Variants in LRIG1 observed in about 807,000 individuals in gnomAD.
LRIG1 encodes leucine-rich repeats and immunoglobulin-like domains protein 1.
A neutral mutation model predicts 99.2 loss-of-function variants in LRIG1; 48 were observed. That is an observed-to-expected ratio of 0.48 (90% CI 0.38 to 0.62). LRIG1 has a LOEUF of 0.62. LRIG1 is among the 20% of genes least tolerant of loss of function. LRIG1 has a pLI of 0.00. For missense variants in LRIG1, 1,646 were observed against 1,434.4 expected (o/e 1.15, Z -2.38); for synonymous variants, 772 against 596.1 (o/e 1.29, Z -4.30).
intron 11 of LRIG1, among the ~76,000 whole-genome samples, chr3:66,395,204 T>C (rs1042650361): frequency 8.5e-5 from 13 of 152,274 alleles, no homozygotes; most frequent in African/African-American, 3.1e-4. Flanking sequence ...ACACTGTCTC[T>C]GGTACATGGT....
At chr3:66,493,674 T>A (rs919439147) in intron 1 of LRIG1, among the ~76,000 whole-genome samples, 5 of 152,066 alleles carry the variant, frequency 3.3e-5, no homozygotes, top group African/African-American at 1.2e-4. Context: ...ATGAGCCTTC[T>A]AGTCTCAGCT....
Position 66,380,060 on chromosome 3 carries a change from CAAAT to C in LRIG1, c.*199_*202del. On this transcript the variant is annotated 3_prime_UTR_variant, in exon 19 of 19. Coordinates refer to ENST00000273261, the MANE Select transcript of LRIG1 (RefSeq NM_015541.3). ...TGAAAACTCTTATGTACAATGATAT[CAAAT>C]ACTTTTTTTGCCTTTTGTACACAAA... The C allele has an allele frequency of 2.0e-6, 1 of 501,376 alleles. No individual in the cohort carries two copies. The highest frequency in any genetic ancestry group is 3.5e-6 in the Non-Finnish European group (1 of 283,132). 31.1% of individuals were successfully genotyped at this position (501,376 alleles called of 1,614,324 possible). A position where few individuals can be genotyped will look rare whatever the true frequency, so the allele number is the denominator to read the frequency against.
intron 1 of LRIG1, among the ~76,000 whole-genome samples, chr3:66,475,373 T>C (rs955849056): frequency 2.0e-5 from 3 of 152,130 alleles, no homozygotes; most frequent in Admixed American, 1.3e-4. Context: ...CCCTGAGATA[T>C]AGGGAACCAA....
chr3:66,494,207 T>C (rs1289826597), intron 1 of LRIG1, among the ~76,000 whole-genome samples: 1 of 152,200 alleles, frequency 6.6e-6, no homozygotes, highest in Non-Finnish European at 1.5e-5. Flanking sequence ...TTCTATAAGA[T>C]AGAGCATTTT....
At chr3:66,421,469 C>T (rs1041385299) in intron 3 of LRIG1, among the ~76,000 whole-genome samples, 3 of 152,246 alleles carry the variant, frequency 2.0e-5, no homozygotes. Context: ...CATGCAAGTC[C>T]AAAATCCAGC....
At chr3:66,410,424 T>C (rs1197532681) in intron 6 of LRIG1, 152 bp from the exon 7 acceptor site, 40 of 690,534 alleles carry the variant, frequency 5.8e-5, no homozygotes, top group Non-Finnish European at 8.6e-5. Context: ...CGCACACATG[T>C]GCATGTGAGT....
At chr3:66,456,696 A>C (rs1007540375) in intron 2 of LRIG1, among the ~76,000 whole-genome samples, 1 of 151,868 alleles carries the variant, frequency 6.6e-6, no homozygotes, top group Admixed American at 6.6e-5. Flanking sequence ...CTGCTCACAC[A>C]CACCCACTGT....
chr3:66,380,662 C>T lies in LRIG1; in HGVS notation c.2970G>A (p.Glu990=), dbSNP rs1700991397. Reference sequence around the variant, plus strand: ...TACTGGGGTAGAGCGACCCTTGGCACTCGGGGCAGGACCCAGCGGCAGTCC... The same window carrying T: ...TACTGGGGTAGAGCGACCCTTGGCATTCGGGGCAGGACCCAGCGGCAGTCC... The part of the protein sequence containing the change: ...CSRTAAGSCP[E]CQGSLYPSNH... The change falls in exon 18 of 19, where the codon GAG becomes GAA. Residue 990 remains glutamate (E), a synonymous_variant. Transcript: ENST00000273261. The T allele has an allele frequency of 6.2e-7, 1 of 1,614,086 alleles. No homozygotes were observed. Among genetic ancestry groups the T allele is most frequent in the Admixed American group, 1.7e-5 (1 of 60,006 alleles).
intron 1 of LRIG1, among the ~76,000 whole-genome samples, chr3:66,499,540 C>A (rs1701305594): frequency 6.6e-6 from 1 of 152,156 alleles, no homozygotes. Context: ...ACTCACAGGT[C>A]GCCAGGAACT....
intron 1 of LRIG1, among the ~76,000 whole-genome samples, chr3:66,477,713 C>T (rs1435909587): frequency 6.6e-6 from 1 of 152,110 alleles, no homozygotes; most frequent in African/African-American, 2.4e-5. Flanking sequence ...AGTTCATTCT[C>T]TCATTTTTAA....
intron 3 of LRIG1, 173 bp from the exon 4 acceptor site, chr3:66,417,439 A>G: frequency 1.5e-6 from 1 of 661,490 alleles, no homozygotes; most frequent in Non-Finnish European, 2.5e-6. Context: ...GCCAGATGCT[A>G]GGAGAATATT....
intron 3 of LRIG1, among the ~76,000 whole-genome samples, chr3:66,430,074 T>A (rs1230836069): frequency 6.6e-6 from 1 of 152,174 alleles, no homozygotes; most frequent in Non-Finnish European, 1.5e-5. Context: ...TCAATCAATA[T>A]TTGTTGAATA....
chr3:66,442,429 C>T (rs1559801559), intron 3 of LRIG1, among the ~76,000 whole-genome samples: 1 of 151,880 alleles, frequency 6.6e-6, no homozygotes, highest in African/African-American at 2.4e-5. Context: ...ACAGAAGCCA[C>T]CTGCAGGAAG....
intron 2 of LRIG1, among the ~76,000 whole-genome samples, chr3:66,458,376 T>A (rs1032764985): frequency 6.6e-6 from 1 of 152,150 alleles, no homozygotes; most frequent in Admixed American, 6.5e-5. Flanking sequence ...AGAAAATGCT[T>A]ACAAAGAAAA....
At chr3:66,439,793 G>T (rs1310034001) in intron 3 of LRIG1, among the ~76,000 whole-genome samples, 2 of 152,098 alleles carry the variant, frequency 1.3e-5, no homozygotes, top group African/African-American at 4.8e-5. Flanking sequence ...TGAATTCTGT[G>T]ATCTCCAAAT....
chr3:66,447,252 G>A (rs1447867930), intron 3 of LRIG1, among the ~76,000 whole-genome samples: 1 of 151,990 alleles, frequency 6.6e-6, no homozygotes, highest in Admixed American at 6.6e-5. Context: ...ATTTTTAAAT[G>A]TACAATTAAG....
intron 3 of LRIG1, among the ~76,000 whole-genome samples, chr3:66,439,261 G>A (rs1429716276): frequency 6.6e-6 from 1 of 152,234 alleles, no homozygotes; most frequent in South Asian, 2.1e-4. Flanking sequence ...TTCCGATTGA[G>A]AAGAACCCAA....
At chr3:66,470,814 G>A (rs1329621566) in intron 1 of LRIG1, among the ~76,000 whole-genome samples, 6 of 152,136 alleles carry the variant, frequency 3.9e-5, no homozygotes, top group Non-Finnish European at 7.4e-5. Context: ...GAGATTCTAG[G>A]ATCTTTCCTA....
chr3:66,380,244 G>T lies in LRIG1; in HGVS notation c.*19C>A. ...TTTCCCGTAGAGATTGGTATGACAA[G>T]AACTGAGGTAGACAAAACCTAGCTT... On this transcript the variant is annotated 3_prime_UTR_variant, in exon 19 of 19. Transcript: ENST00000273261. The T allele has an allele frequency of 1.3e-6, 2 of 1,595,526 alleles. No individual in the cohort carries two copies. The highest frequency in any genetic ancestry group is 1.7e-6 in the Non-Finnish European group (2 of 1,167,896).
Sources: allele counts gnomAD v4.1 joint callset (sites outside exome capture counted in the v4.1 genomes callset), GRCh38; gene constraint gnomAD v4.1.1; transcripts MANE v1.5; gene names NCBI Gene and HGNC (gene_info 2026-07-23, HGNC 2026-07-21).